Variants in EXOC6B observed in about 807,000 individuals in gnomAD.
EXOC6B encodes exocyst complex component 6B, also known as SEC15 homolog B.
Under a neutral mutation model 113.5 loss-of-function variants are expected in EXOC6B, and 54 were observed. The observed-to-expected ratio is 0.48, with a 90% CI of 0.38 to 0.60. EXOC6B has a LOEUF of 0.60. EXOC6B is among the 20% of genes least tolerant of loss of function. EXOC6B has a pLI of 0.00. For missense variants in EXOC6B, 797 were observed against 977.5 expected (o/e 0.82, Z 2.46); for synonymous variants, 357 against 339.0 (o/e 1.05, Z -0.58).
At chr2:72,686,268 T>G (rs1677081417) in intron 6 of EXOC6B, among the ~76,000 whole-genome samples, 1 of 152,092 alleles carries the variant, frequency 6.6e-6, no homozygotes, top group African/African-American at 2.4e-5. Context: ...GTCTTTTAAG[T>G]CCAAGGAATG....
chr2:72,475,250 G>A (rs908493410), intron 17 of EXOC6B, among the ~76,000 whole-genome samples: 3 of 152,136 alleles, frequency 2.0e-5, no homozygotes, highest in Non-Finnish European at 4.4e-5. Flanking sequence ...TGCCAGCAGT[G>A]ACAACAGTAG....
At chr2:72,370,380 G>A (rs928455007) in intron 19 of EXOC6B, among the ~76,000 whole-genome samples, 9 of 152,312 alleles carry the variant, frequency 5.9e-5, no homozygotes, top group African/African-American at 1.9e-4. Flanking sequence ...TGGAGAGGAT[G>A]TGGAGAAATA....
rs1222174626 is a variant in EXOC6B at position 72,539,086 on chromosome 2, T to C, written c.915+20367A>G. ...TATCTAACTCACTAGAACACAGCAG[T>C]ATCCACAAAACTGAAGCACAAAAGC... On this transcript the variant is annotated intron_variant, in intron 8 of 21. Coordinates refer to ENST00000272427, the MANE Select transcript of EXOC6B (RefSeq NM_015189.3). Among the ~76,000 whole-genome samples, 4 of 152,146 alleles carry C rather than the reference T, an allele frequency of 2.6e-5. No individual in the cohort carries two copies. In the East Asian group the frequency reaches 5.8e-4, roughly 22 times the overall value.
rs75984541 is a variant in EXOC6B at position 72,179,761 on chromosome 2, T to C, written c.2310-300A>G. 4.5e-3 allele frequency among the ~76,000 whole-genome samples: 689 copies of C among 152,296 alleles called. 3 individuals are homozygous for C. The highest frequency in any genetic ancestry group is 0.016 in the African/African-American group (661 of 41,548). The stretch of plus-strand genomic sequence containing the variant: ...ATTCATTCTCTTCTCTCAGCAGGTA[T>C]GTACCTGCTGTAGGTGTCTGGGACA... On this transcript the variant is annotated intron_variant, in intron 21 of 21. Transcript: ENST00000272427.
intron 11 of EXOC6B, among the ~76,000 whole-genome samples, chr2:72,502,619 C>G (rs1164705681): frequency 6.6e-6 from 1 of 152,058 alleles, no homozygotes; most frequent in African/African-American, 2.4e-5. Flanking sequence ...TTAAAAATGC[C>G]TTTATTTTGC....
At chr2:72,520,103 T>A (rs1010143138) in intron 8 of EXOC6B, among the ~76,000 whole-genome samples, 1 of 152,256 alleles carries the variant, frequency 6.6e-6, no homozygotes, top group African/African-American at 2.4e-5. Context: ...TATTGTTTAC[T>A]GTCTGTCTCC....
chr2:72,824,783 G>A (rs1184123021), intron 1 of EXOC6B, among the ~76,000 whole-genome samples: 2 of 152,168 alleles, frequency 1.3e-5, no homozygotes, highest in African/African-American at 4.8e-5. Flanking sequence ...AAGGGGGAAA[G>A]TAGTTCAAAA....
chr2:72,319,507 T>C (rs1687725782), intron 20 of EXOC6B, among the ~76,000 whole-genome samples: 1 of 152,128 alleles, frequency 6.6e-6, no homozygotes, highest in Admixed American at 6.5e-5. Flanking sequence ...CAAAAATGTA[T>C]AAAAAACCAC....
chr2:72,745,177 G>T (rs1681612526), intron 1 of EXOC6B, among the ~76,000 whole-genome samples: 1 of 152,076 alleles, frequency 6.6e-6, no homozygotes, highest in Non-Finnish European at 1.5e-5. Flanking sequence ...AATGGATCAG[G>T]GGTGGTGGCC....
At chr2:72,492,539 G>T in intron 15 of EXOC6B, 110 bp from the exon 16 acceptor site, 1 of 599,208 alleles carries the variant, frequency 1.7e-6, no homozygotes. Context: ...AATAGCAGCA[G>T]CAAATAATAC....
intron 20 of EXOC6B, among the ~76,000 whole-genome samples, chr2:72,253,953 G>A (rs1308827039): frequency 6.6e-6 from 1 of 152,150 alleles, no homozygotes; most frequent in Admixed American, 6.5e-5. Context: ...AAGGTCAGGA[G>A]ATCAAGACCA....
intron 6 of EXOC6B, among the ~76,000 whole-genome samples, chr2:72,707,783 C>T (rs2104672515): frequency 6.6e-6 from 1 of 152,152 alleles, no homozygotes; most frequent in South Asian, 2.1e-4. Flanking sequence ...ACCATAATGC[C>T]TACCATAGTA....
chr2:72,375,259 T>C (rs666233), intron 19 of EXOC6B, among the ~76,000 whole-genome samples: 53,849 of 151,908 alleles, frequency 0.35, 15,354 homozygotes, highest in African/African-American at 0.79. Context: ...AAAACAAGTA[T>C]AAAAAAATCA....
chr2:72,644,161 A>G (rs1395917180), intron 6 of EXOC6B, among the ~76,000 whole-genome samples: 2 of 152,208 alleles, frequency 1.3e-5, no homozygotes, highest in Non-Finnish European at 2.9e-5. Context: ...TACAAACCTC[A>G]ATAGCCAATT....
chr2:72,230,577 G>A (rs1329143301), intron 20 of EXOC6B, among the ~76,000 whole-genome samples: 5 of 152,142 alleles, frequency 3.3e-5, no homozygotes, highest in East Asian at 1.9e-4. Context: ...TTTAACTAAC[G>A]ACCTGGTCCA....
intron 18 of EXOC6B, among the ~76,000 whole-genome samples, chr2:72,411,946 A>C (rs772524403): frequency 2.6e-5 from 4 of 152,222 alleles, no homozygotes; most frequent in Non-Finnish European, 5.9e-5. Context: ...TGTATGTTTA[A>C]GATGAAAAAC....
chr2:72,754,521 C>T (rs1277830869), intron 1 of EXOC6B, among the ~76,000 whole-genome samples: 1 of 152,062 alleles, frequency 6.6e-6, no homozygotes, highest in Non-Finnish European at 1.5e-5. Flanking sequence ...GTGTGAGCCA[C>T]CACACCCAGC....
chr2:72,277,855 T>A (rs79013018), intron 20 of EXOC6B, among the ~76,000 whole-genome samples: 1 of 151,924 alleles, frequency 6.6e-6, no homozygotes, highest in Non-Finnish European at 1.5e-5. Flanking sequence ...CCATTTTTTT[T>A]TATATAAAAT....
At chr2:72,553,865 G>C (rs1004992454) in intron 8 of EXOC6B, among the ~76,000 whole-genome samples, 2 of 152,026 alleles carry the variant, frequency 1.3e-5, no homozygotes, top group African/African-American at 4.8e-5. Context: ...AAAAGTATAA[G>C]ACATCAATTT....
Sources: allele counts gnomAD v4.1 joint callset (sites outside exome capture counted in the v4.1 genomes callset), GRCh38; gene constraint gnomAD v4.1.1; transcripts MANE v1.5; gene names NCBI Gene and HGNC (gene_info 2026-07-23, HGNC 2026-07-21).